Variants in DNAJC11 observed in about 807,000 individuals in gnomAD.
DNAJC11 encodes DnaJ heat shock protein family (Hsp40) member C11.
In DNAJC11, 15 loss-of-function variants were observed where a neutral mutation model predicts 78.6. The observed-to-expected ratio is 0.19, with a 90% CI of 0.13 to 0.29. The LOEUF is 0.29. Among genes scored for constraint, DNAJC11 ranks in the 10% least tolerant of loss-of-function variants. DNAJC11 has a pLI of 1.00. For synonymous variants in DNAJC11, 292 were observed against 272.1 expected, an observed-to-expected ratio of 1.07 and a Z score of -0.72; for missense variants, 547 against 709.6, an observed-to-expected ratio of 0.77 and a Z score of 2.60.
In DNAJC11 at chr1:6,635,703, G is replaced by C; in HGVS notation, c.1655-3C>G. On this transcript the variant is annotated splice_region_variant and splice_polypyrimidine_tract_variant and intron_variant, in intron 15 of 15. Coordinates refer to ENST00000377577, the MANE Select transcript of DNAJC11 (RefSeq NM_018198.4). ...TCCATCTGTATCGATCCTGTGGGCT[G>C]TAAAGGAAAAGACAGACGCAGGTGA... 1 of 1,614,154 alleles carries C rather than the reference G, an allele frequency of 6.2e-7. No homozygotes were observed. Among genetic ancestry groups the C allele is most frequent in the Non-Finnish European group, 8.5e-7 (1 of 1,180,006 alleles).
chr1:6,639,834 C>A, intron 11 of DNAJC11, 68 bp downstream of exon 11: 1 of 1,536,096 alleles, frequency 6.5e-7, no homozygotes, highest in Non-Finnish European at 8.8e-7. Flanking sequence ...GTTATCCTCT[C>A]CATTTTAAGG....
intron 1 of DNAJC11, among the ~76,000 whole-genome samples, chr1:6,694,522 T>C (rs1642801459): frequency 6.6e-6 from 1 of 152,122 alleles, no homozygotes; most frequent in Admixed American, 6.6e-5. Context: ...CCAAGCTGAC[T>C]TCAGAGTAAA....
intron 1 of DNAJC11, among the ~76,000 whole-genome samples, chr1:6,682,223 T>A (rs1642565131): frequency 6.8e-6 from 1 of 147,102 alleles, no homozygotes; most frequent in South Asian, 2.2e-4. Flanking sequence ...TTTTTCAACA[T>A]CTTTCAGTCC....
intron 3 of DNAJC11, among the ~76,000 whole-genome samples, chr1:6,671,751 C>T (rs1435549190): frequency 6.6e-6 from 1 of 151,830 alleles, no homozygotes; most frequent in African/African-American, 2.4e-5. Flanking sequence ...CCAGGATGGT[C>T]TTGTTCTCCT....
intron 4 of DNAJC11, among the ~76,000 whole-genome samples, chr1:6,663,968 C>G (rs1399098802): frequency 6.6e-6 from 1 of 152,166 alleles, no homozygotes; most frequent in Non-Finnish European, 1.5e-5. Context: ...CCCTGGACAC[C>G]AAGTCCAAGG....
chr1:6,637,215 G>A lies in DNAJC11; in HGVS notation c.1507C>T (p.Leu503Phe). ...TGCTGTACCTTGGAGGCCTCCGTGA[G>A]GATGAGCTTCGAGTCCTTCACCAGG... ...QCLVKDSKLI[L>F]TEASKAGLPG... The change falls in exon 14 of 16, where the codon CTC becomes TTC. Residue 503 changes from leucine to phenylalanine, a missense_variant. Coordinates refer to ENST00000377577, the MANE Select transcript of DNAJC11 (RefSeq NM_018198.4). 6.2e-7 allele frequency: 1 copy of A among 1,614,212 alleles called. No homozygotes were observed. The highest frequency in any genetic ancestry group is 8.5e-7 in the Non-Finnish European group (1 of 1,180,042).
chr1:6,701,750 C>G lies in DNAJC11; in HGVS notation c.51G>C (p.Ser17=). 1.3e-6 allele frequency: 2 copies of G among 1,565,324 alleles called. No individual in the cohort carries two copies. The highest frequency in any genetic ancestry group is 8.6e-7 in the Non-Finnish European group (1 of 1,158,220). ...TCACCTCCCTGCGCACGTTCAGCAA[C>G]GAGTAATAGTCTTCATTGTCCAGCT... ...EEELDNEDYY[S]LLNVRREASS... Residue 17 remains serine, a synonymous_variant, in exon 1 of 16, where the codon TCG becomes TCC. Coordinates refer to ENST00000377577, the MANE Select transcript of DNAJC11 (RefSeq NM_018198.4).
Position 6,634,542 on chromosome 1 carries a change from C to T in DNAJC11, c.*1133G>A, listed in dbSNP as rs781561069. Reference sequence around the variant, plus strand: ...CCAGCTGTCTCAGCCACCACCTGTGCGGCGCTTGCTCCGAGGGGTCAGCAA... The same window carrying T: ...CCAGCTGTCTCAGCCACCACCTGTGTGGCGCTTGCTCCGAGGGGTCAGCAA... On this transcript the variant is annotated 3_prime_UTR_variant, in exon 16 of 16. Transcript: ENST00000377577. 26 of 1,363,596 alleles carry T rather than the reference C, an allele frequency of 1.9e-5. No individual in the cohort carries two copies. Among genetic ancestry groups the T allele is most frequent in the Admixed American group, 5.8e-5 (3 of 52,114 alleles). The allele number at this position is 1,363,596 out of a possible 1,614,324, so 84.5% of individuals were successfully genotyped here.
intron 1 of DNAJC11, among the ~76,000 whole-genome samples, chr1:6,695,879 G>A (rs891879519): frequency 6.6e-6 from 1 of 152,018 alleles, no homozygotes; most frequent in African/African-American, 2.4e-5. Context: ...TTCCAGAAGA[G>A]TAAAATGGGA....
chr1:6,676,675 ACT>A (rs1235447656), intron 3 of DNAJC11, among the ~76,000 whole-genome samples: 2 of 151,106 alleles, frequency 1.3e-5, no homozygotes, highest in East Asian at 3.9e-4. Context: ...GCACGCGCGC[ACT>A]CTCTCTCACA....
intron 1 of DNAJC11, among the ~76,000 whole-genome samples, chr1:6,687,395 C>T (rs983383809): frequency 1.5e-5 from 2 of 136,860 alleles, no homozygotes; most frequent in Non-Finnish European, 1.5e-5. Context: ...CTCGCTCTGT[C>T]GCCCAGGCTG....
chr1:6,681,194 GCTT>G (rs1642546229), intron 1 of DNAJC11, among the ~76,000 whole-genome samples, 157 bp from the exon 2 acceptor site: 1 of 152,144 alleles, frequency 6.6e-6, no homozygotes, highest in Non-Finnish European at 1.5e-5. Context: ...CCTCAACAAG[GCTT>G]CTTTTTGCCA....
At chr1:6,648,749 C>T (rs1336339605) in intron 7 of DNAJC11, among the ~76,000 whole-genome samples, 2 of 152,198 alleles carry the variant, frequency 1.3e-5, no homozygotes, top group Non-Finnish European at 2.9e-5. Flanking sequence ...AGCCACCACA[C>T]CCTGCCCCCG....
chr1:6,678,551 C>A, intron 2 of DNAJC11, 84 bp from the exon 3 acceptor site: 1 of 1,091,594 alleles, frequency 9.2e-7, no homozygotes, highest in Non-Finnish European at 1.3e-6. Context: ...ATTAGGTAAG[C>A]CCATCTCCTG....
intron 6 of DNAJC11, 67 bp from the exon 7 acceptor site, chr1:6,651,669 G>A (rs1216699154): frequency 8.3e-7 from 1 of 1,202,898 alleles, no homozygotes; most frequent in Admixed American, 1.8e-5. Context: ...CCAGGCTCAG[G>A]TATGTACCTC....
chr1:6,695,420 A>C (rs1455040755), intron 1 of DNAJC11, among the ~76,000 whole-genome samples: 1 of 152,016 alleles, frequency 6.6e-6, no homozygotes, highest in Non-Finnish European at 1.5e-5. Flanking sequence ...GCACCTAGCA[A>C]CGCACATACC....
chr1:6,687,110 C>CA (rs1642667251), intron 1 of DNAJC11, among the ~76,000 whole-genome samples: 4 of 152,210 alleles, frequency 2.6e-5, no homozygotes, highest in Admixed American at 2.0e-4. Flanking sequence ...GATTTCAGAG[C>CA]TAATTAACAC....
In DNAJC11 at chr1:6,653,733, G is replaced by T; in HGVS notation, c.507+178C>A. ...CACACTCCTGCTGGCTCACATGCCA[G>T]CACAGCGGTAACACACGGCTGGGAA... On this transcript the variant is annotated intron_variant, in intron 5 of 15. Coordinates refer to ENST00000377577, the MANE Select transcript of DNAJC11 (RefSeq NM_018198.4). This position sits in a 1 kb window ranked among gnomAD's most constrained non-coding sequence, Gnocchi z 4.5. The T allele has an allele frequency of 2.5e-6, 2 of 787,492 alleles. No individual in the cohort carries two copies. Among genetic ancestry groups the T allele is most frequent in the South Asian group, 1.7e-5 (1 of 57,900 alleles). 48.8% of individuals were successfully genotyped at this position (787,492 alleles called of 1,614,324 possible).
intron 4 of DNAJC11, among the ~76,000 whole-genome samples, chr1:6,655,763 T>C (rs1222637859): frequency 6.6e-6 from 1 of 151,800 alleles, no homozygotes; most frequent in Non-Finnish European, 1.5e-5. Context: ...GAGCCAAGAT[T>C]GCGCCACTGC....
Sources: allele counts gnomAD v4.1 joint callset (sites outside exome capture counted in the v4.1 genomes callset), GRCh38; gene constraint gnomAD v4.1.1; non-coding constraint Gnocchi (gnomAD v3.1); transcripts MANE v1.5; gene names NCBI Gene and HGNC (gene_info 2026-07-23, HGNC 2026-07-21).